Variants in CACHD1 observed in about 807,000 individuals in gnomAD.
The protein encoded by CACHD1 is VWFA and cache domain-containing protein 1.
A neutral mutation model predicts 138.7 loss-of-function variants in CACHD1; 71 were observed. The observed-to-expected ratio is 0.51, with a 90% CI of 0.42 to 0.62. The LOEUF (loss-of-function observed/expected upper bound fraction) is 0.62. CACHD1 is among the 20% of genes least tolerant of loss of function. The pLI, the probability that CACHD1 is intolerant of heterozygous loss-of-function variation, is 0.00. For synonymous variants in CACHD1, 578 were observed against 591.5 expected, an observed-to-expected ratio of 0.98 and a Z score of 0.33; for missense variants, 1,389 against 1,625.3, an observed-to-expected ratio of 0.85 and a Z score of 2.50.
At chr1:64,474,890 A>G (rs1646165471) in intron 1 of CACHD1, among the ~76,000 whole-genome samples, 1 of 152,258 alleles carries the variant, frequency 6.6e-6, no homozygotes, top group Admixed American at 6.5e-5. Context: ...CAGACAGACC[A>G]GCAGGTTGGT....
At chr1:64,649,811 T>C (rs987845344) in intron 9 of CACHD1, among the ~76,000 whole-genome samples, 2 of 152,212 alleles carry the variant, frequency 1.3e-5, no homozygotes, top group Non-Finnish European at 2.9e-5. Flanking sequence ...ATTTTGCTCC[T>C]TGGGGCCTGT....
At chr1:64,665,922 G>A (rs534430187) in intron 15 of CACHD1, 135 bp from the exon 16 acceptor site, 97 of 433,976 alleles carry the variant, frequency 2.2e-4, no homozygotes, top group African/African-American at 1.9e-3. Flanking sequence ...GGAGAATGGC[G>A]TGAACCCAGG....
At chr1:64,488,191 G>A (rs978906384) in intron 1 of CACHD1, among the ~76,000 whole-genome samples, 32 of 152,166 alleles carry the variant, frequency 2.1e-4, no homozygotes, top group African/African-American at 7.5e-4. Flanking sequence ...ATTTTTGAGA[G>A]GTTTCTAGTT....
rs150041208 is a variant in CACHD1, at chr1:64,644,900, C to A, written c.1157-2901C>A. ...ATCACCTGAGGTCAGGAGTTCGAGA[C>A]CAGCCTGACCAGCGTGGTGAAACCC... is the stretch of plus-strand genomic sequence containing the variant. On this transcript the variant is annotated intron_variant, in intron 8 of 26. Coordinates refer to ENST00000651257, the MANE Select transcript of CACHD1 (RefSeq NM_020925.4). Among the ~76,000 whole-genome samples the A allele has an allele frequency of 2.9e-3, 440 of 152,300 alleles. 7 individuals carry two copies. In the East Asian group the frequency reaches 0.047, roughly 16 times the overall value.
Position 64,550,599 on chromosome 1 carries a change from A to G in CACHD1, c.204A>G (p.Ile68Met), listed in dbSNP as rs1646751287. Residue 68 changes from isoleucine (I) to methionine (M), a missense_variant, in exon 2 of 27, where the codon ATA becomes ATG. Transcript: ENST00000651257. Reference protein sequence around the residue: ...EELGVVTMQRIFNSFVYTEKI... With the variant: ...EELGVVTMQRMFNSFVYTEKI... ...TCATTTTCTTTTCATTGCAGCGGATATTCAACTCCTTTGTTTACACTGAGA... is the reference window on the plus strand; with the variant it reads ...TCATTTTCTTTTCATTGCAGCGGATGTTCAACTCCTTTGTTTACACTGAGA... 6.2e-7 allele frequency: 1 copy of G among 1,610,624 alleles called. No individual in the cohort carries two copies. Among genetic ancestry groups the G allele is most frequent in the Non-Finnish European group, 8.5e-7 (1 of 1,177,034 alleles).
In CACHD1 at chr1:64,522,851, T is replaced by C. The variant is rs75058395; in HGVS notation, c.199-27743T>C. Among the ~76,000 whole-genome samples, 12 of 152,332 alleles carry C rather than the reference T, an allele frequency of 7.9e-5. No individual in the cohort carries two copies. The East Asian group carries it at 2.3e-3, about 29-fold the overall frequency. On this transcript the variant is annotated intron_variant, in intron 1 of 26. Transcript: ENST00000651257. Reference sequence around the variant, plus strand: ...TCCCAGTGAGAAAAATGGCTTCCTGTATTTTATTCTGGTGTGGTATCCCTT... The same window carrying C: ...TCCCAGTGAGAAAAATGGCTTCCTGCATTTTATTCTGGTGTGGTATCCCTT...
At chr1:64,476,230 G>A (rs1646174099) in intron 1 of CACHD1, among the ~76,000 whole-genome samples, 1 of 152,184 alleles carries the variant, frequency 6.6e-6, no homozygotes, top group African/African-American at 2.4e-5. Context: ...TTGAACACCT[G>A]AACAGGACTC....
chr1:64,594,959 A>G (rs188355115), intron 3 of CACHD1, among the ~76,000 whole-genome samples: 24 of 152,344 alleles, frequency 1.6e-4, no homozygotes, highest in Admixed American at 7.8e-4. Flanking sequence ...TTTACACTCT[A>G]GCTTTATTAA....
At chr1:64,668,242 G>T (rs746164065) in intron 16 of CACHD1, among the ~76,000 whole-genome samples, 5 of 151,374 alleles carry the variant, frequency 3.3e-5, no homozygotes, top group African/African-American at 1.2e-4. Context: ...CAAGAGAATC[G>T]CTTGAACCCG....
chr1:64,493,528 T>C (rs1395078791), intron 1 of CACHD1, among the ~76,000 whole-genome samples: 2 of 152,238 alleles, frequency 1.3e-5, no homozygotes, highest in East Asian at 3.8e-4. Flanking sequence ...CTATTATGCC[T>C]CTCTTCTTAC....
At chr1:64,528,691 C>T (rs1448917601) in intron 1 of CACHD1, among the ~76,000 whole-genome samples, 1 of 151,936 alleles carries the variant, frequency 6.6e-6, no homozygotes, top group Admixed American at 6.6e-5. Flanking sequence ...AGGTTTGTTG[C>T]TTTGCTAAAA....
intron 2 of CACHD1, among the ~76,000 whole-genome samples, chr1:64,577,180 A>G (rs181236933): frequency 6.6e-6 from 1 of 152,098 alleles, no homozygotes; most frequent in Non-Finnish European, 1.5e-5. Flanking sequence ...TCTTGGGCTC[A>G]AGTGATCCAC....
intron 1 of CACHD1, among the ~76,000 whole-genome samples, chr1:64,483,681 C>CAAAAAAAAAA (rs10537125): frequency 1.7e-5 from 1 of 58,200 alleles, no homozygotes. Context: ...CTGTCTCTAC[C>CAAAAAAAAAA]AAAAAAAAAA....
At chr1:64,577,738 T>C (rs1283606453) in intron 2 of CACHD1, among the ~76,000 whole-genome samples, 4 of 152,218 alleles carry the variant, frequency 2.6e-5, no homozygotes, top group East Asian at 1.9e-4. Flanking sequence ...TAAGGCAAGA[T>C]AGAATGTTGC....
intron 4 of CACHD1, among the ~76,000 whole-genome samples, chr1:64,617,167 A>G (rs1482250118): frequency 6.6e-6 from 1 of 151,998 alleles, no homozygotes; most frequent in African/African-American, 2.4e-5. Flanking sequence ...AAAACAAAAA[A>G]AAAAACCAGC....
At chr1:64,655,219 C>G (rs571096450) in intron 12 of CACHD1, among the ~76,000 whole-genome samples, 50 of 152,066 alleles carry the variant, frequency 3.3e-4, no homozygotes, top group Non-Finnish European at 5.9e-4. Context: ...GTGAGCCATG[C>G]TAGCACCAAA....
rs750061033 is a variant in CACHD1 at position 64,629,364 on chromosome 1, A to G, written c.527A>G (p.Asp176Gly). 1.2e-6 allele frequency: 2 copies of G among 1,614,016 alleles called. No individual in the cohort carries two copies. The highest frequency in any genetic ancestry group is 1.1e-5 in the South Asian group (1 of 91,054). ...TTCCTTACACCTCTAGTTCTTGCAGACAACCTGAAATCCAACCCTGGAATT... is the reference window on the plus strand; with the variant it reads ...TTCCTTACACCTCTAGTTCTTGCAGGCAACCTGAAATCCAACCCTGGAATT... ...PGRDLNSVLA[D>G]NLKSNPGIKW... The change falls in exon 5 of 27, where the codon GAC (aspartate) becomes GGC (glycine). Residue 176 changes from aspartate to glycine, a missense_variant. By Grantham distance (94) the Asp-to-Gly change is moderately conservative. Transcript: ENST00000651257.
At chr1:64,476,177 T>C (rs1361392172) in intron 1 of CACHD1, among the ~76,000 whole-genome samples, 2 of 152,200 alleles carry the variant, frequency 1.3e-5, no homozygotes, top group African/African-American at 4.8e-5. Flanking sequence ...CATTAGATGT[T>C]TCTGATTCCT....
intron 8 of CACHD1, 133 bp from the exon 9 acceptor site, chr1:64,647,668 T>C (rs7534210): frequency 1 from 667,789 of 668,416 alleles, 333,585 homozygotes; most frequent in Middle Eastern, 1. Context: ...GTCCAGAGTC[T>C]ATGTGGTCTC....
Sources: allele counts gnomAD v4.1 joint callset (sites outside exome capture counted in the v4.1 genomes callset), GRCh38; gene constraint gnomAD v4.1.1; transcripts MANE v1.5; gene names NCBI Gene and HGNC (gene_info 2026-07-23, HGNC 2026-07-21).